Variants in DEPDC5 observed in about 807,000 individuals in gnomAD.
DEPDC5 encodes the protein GATOR1 complex protein DEPDC5.
In DEPDC5, 73 loss-of-function variants were observed where a neutral mutation model predicts 217.3. The observed-to-expected ratio is 0.34, with a 90% confidence interval of 0.28 to 0.41. DEPDC5 has a LOEUF of 0.41. Ranked by LOEUF, DEPDC5 falls within the 10% of genes least tolerant of loss-of-function variation. The pLI, the probability that DEPDC5 is intolerant of heterozygous loss-of-function variation, is 1.00. For missense variants in DEPDC5, 1,675 were observed against 2,070.1 expected (o/e 0.81, Z 3.70); for synonymous variants, 733 against 756.7 (o/e 0.97, Z 0.51).
chr22:31,846,777 T>C, intron 30 of DEPDC5, 57 bp from the exon 31 acceptor site: 1 of 1,612,358 alleles, frequency 6.2e-7, no homozygotes, highest in Non-Finnish European at 8.5e-7. Flanking sequence ...GGGGCATGAG[T>C]GGCTTCCACT....
intron 31 of DEPDC5, among the ~76,000 whole-genome samples, chr22:31,847,210 A>C (rs1208466972): frequency 6.6e-6 from 1 of 152,234 alleles, no homozygotes; most frequent in African/African-American, 2.4e-5. Context: ...TTTAGCCCAC[A>C]AAGTATTTCA....
rs148372765 is a variant in DEPDC5, at chr22:31,847,707, A to T, written c.3155+740A>T. ...GACACGTGGGGATTATGGGAACCAT[A>T]ACTCAAGATAAGATTTGGGTGGGGA... is the stretch of plus-strand genomic sequence containing the variant. On this transcript the variant is annotated intron_variant, in intron 31 of 42. Coordinates refer to ENST00000651528, the MANE Select transcript of DEPDC5 (RefSeq NM_001242896.3). Among the ~76,000 whole-genome samples the T allele has an allele frequency of 3.3e-4, 50 of 152,304 alleles. No individual in the cohort carries two copies. The East Asian group carries it at 9.5e-3, about 29-fold the overall frequency.
At chr22:31,902,313 G>T (rs890626336) in intron 41 of DEPDC5, among the ~76,000 whole-genome samples, 2 of 151,090 alleles carry the variant, frequency 1.3e-5, no homozygotes, top group East Asian at 3.9e-4. Context: ...GTATCTGATG[G>T]CCACTTCATG....
chr22:31,864,202 G>A (rs779507414), intron 33 of DEPDC5, among the ~76,000 whole-genome samples: 4 of 150,612 alleles, frequency 2.7e-5, no homozygotes, highest in Non-Finnish European at 4.4e-5. Flanking sequence ...TCTGCCTCCC[G>A]GGTTCAAGTG....
At chr22:31,903,982 A>G (rs1482590578) in intron 41 of DEPDC5, among the ~76,000 whole-genome samples, 3 of 152,042 alleles carry the variant, frequency 2.0e-5, no homozygotes, top group African/African-American at 7.2e-5. Context: ...TTTAAGTGCA[A>G]CTGTGGCTCT....
At chr22:31,824,317 GC>G (rs1264968244) in intron 24 of DEPDC5, among the ~76,000 whole-genome samples, 1 of 151,918 alleles carries the variant, frequency 6.6e-6, no homozygotes. Flanking sequence ...CTGCATTCCA[GC>G]CTGGGCGACA....
At chr22:31,756,038 A>ATTTTTTTTTT (rs35222514) in intron 2 of DEPDC5, among the ~76,000 whole-genome samples, 2 of 116,862 alleles carry the variant, frequency 1.7e-5, no homozygotes. Context: ...ACACCTGGCT[A>ATTTTTTTTTT]TTTTTTTTTT....
chr22:31,768,980 G>T, intron 7 of DEPDC5, 117 bp downstream of exon 7: 1 of 1,368,616 alleles, frequency 7.3e-7, no homozygotes, highest in African/African-American at 1.4e-5. Context: ...TAGATTGTTG[G>T]CTGGCCACAG....
At chr22:31,824,906 G>A (rs1405616412) in intron 24 of DEPDC5, among the ~76,000 whole-genome samples, 1 of 151,688 alleles carries the variant, frequency 6.6e-6, no homozygotes. Context: ...AACCTGGGAG[G>A]TGGAGCTTGC....
chr22:31,852,339 A>ATT lies in DEPDC5; in HGVS notation c.3156-5089_3156-5088dup, dbSNP rs71320909. ...TCCTTTTATTTATTTATTTATTACT[A>ATT]TTTTTTTTTTTTTTTTTTGAGATGG... On this transcript the variant is annotated intron_variant, in intron 31 of 42. Coordinates refer to ENST00000651528, the MANE Select transcript of DEPDC5 (RefSeq NM_001242896.3). 1.6e-3 allele frequency among the ~76,000 whole-genome samples: 196 copies of ATT among 125,938 alleles called. 1 individual carries two copies. The highest frequency in any genetic ancestry group is 4.7e-3 in the African/African-American group (155 of 32,678). 82.6% of individuals were successfully genotyped at this position (125,938 alleles called of 152,430 possible). A position where few individuals can be genotyped will look rare whatever the true frequency, so the allele number is the denominator to read the frequency against.
At chr22:31,823,126 G>T (rs2089853193) in intron 24 of DEPDC5, 5 of 243,356 alleles carry the variant, frequency 2.1e-5, no homozygotes, top group Non-Finnish European at 4.1e-5. Context: ...GTTGTCAGGG[G>T]CAATGGGGAG....
At chr22:31,809,790 G>C (rs1053603529) in intron 19 of DEPDC5, 143 bp downstream of exon 19, 2 of 755,396 alleles carry the variant, frequency 2.6e-6, no homozygotes, top group East Asian at 6.1e-5. Flanking sequence ...GACCAGCCTT[G>C]CCAACATGGT....
At chr22:31,833,772 A>G in intron 24 of DEPDC5, 143 bp from the exon 25 acceptor site, 1 of 606,088 alleles carries the variant, frequency 1.6e-6, no homozygotes, top group Non-Finnish European at 2.8e-6. Flanking sequence ...ATTCTTTTGT[A>G]CTGTTTGAAA....
At chr22:31,818,931 T>G in intron 21 of DEPDC5, 91 bp from the exon 22 acceptor site, 1 of 1,323,550 alleles carries the variant, frequency 7.6e-7, no homozygotes. Context: ...CCCAAGATTC[T>G]TGTCAGCCTT....
chr22:31,843,196 A>ACG lies in DEPDC5; in HGVS notation c.2620_2621dup (p.Tyr875AspfsTer48). On this transcript the variant is annotated frameshift_variant, in exon 28 of 43. Transcript: ENST00000651528. LOFTEE classifies it high-confidence loss of function. ...GCTGAAGGATAAGATGATCACAGTG[A>ACG]CGCGATACCTTCCCAAGTGAGTATT... 1 of 1,614,010 alleles carries ACG rather than the reference A, an allele frequency of 6.2e-7. No individual in the cohort carries two copies. The highest frequency in any genetic ancestry group is 8.5e-7 in the Non-Finnish European group (1 of 1,179,976).
At chr22:31,887,419 C>CA (rs567430576) in intron 38 of DEPDC5, among the ~76,000 whole-genome samples, 2,152 of 65,490 alleles carry the variant, frequency 0.033, 52 homozygotes, top group East Asian at 0.061. Flanking sequence ...AACTCTGTCT[C>CA]AAAAAAAAAA....
chr22:31,826,244 T>C, intron 24 of DEPDC5, among the ~76,000 whole-genome samples: 1 of 152,154 alleles, frequency 6.6e-6, no homozygotes. Context: ...TGGCCTCCTG[T>C]GATCTGCCCA....
intron 5 of DEPDC5, 26 bp downstream of exon 5, chr22:31,765,086 A>G (rs772768547): frequency 3.2e-6 from 5 of 1,573,324 alleles, no homozygotes; most frequent in Non-Finnish European, 4.4e-6. Flanking sequence ...GTACTTGAAT[A>G]TCTTTTTGGA....
intron 37 of DEPDC5, among the ~76,000 whole-genome samples, chr22:31,877,457 A>AC (rs2093030847): frequency 6.9e-6 from 1 of 145,348 alleles, no homozygotes; most frequent in Non-Finnish European, 1.5e-5. Context: ...AAAAAAAAAA[A>AC]AAAAAAAAAA....
Sources: allele counts gnomAD v4.1 joint callset (sites outside exome capture counted in the v4.1 genomes callset), GRCh38; gene constraint gnomAD v4.1.1; transcripts MANE v1.5; gene names NCBI Gene and HGNC (gene_info 2026-07-23, HGNC 2026-07-21).